Variants in WWOX observed in about 807,000 individuals in gnomAD.
WWOX encodes WW domain containing oxidoreductase.
In WWOX, 69 loss-of-function variants were observed where a neutral mutation model predicts 46.2. The ratio of observed to expected loss-of-function variants is 1.49; its 90% CI spans 1.23 to 1.82. The LOEUF (loss-of-function observed/expected upper bound fraction) is 1.82. WWOX is among the 40% of genes most tolerant of loss of function. The probability of loss-of-function intolerance (pLI) is 0.00; values close to 1 mark genes in which losing one functional copy is unlikely to be tolerated. For missense variants in WWOX, 919 were observed against 542.6 expected (o/e 1.69, Z -6.89); for synonymous variants, 359 against 202.6 (o/e 1.77, Z -6.56).
At chr16:78,767,774 C>T (rs996483478) in intron 8 of WWOX, among the ~76,000 whole-genome samples, 2 of 152,082 alleles carry the variant, frequency 1.3e-5, no homozygotes, top group African/African-American at 4.8e-5. Context: ...GAAGTGTTAC[C>T]TCCCTGCAGT....
rs577794126 is a variant in WWOX at position 78,559,143 on chromosome 16, C to T, written c.1056+126391C>T. 2.0e-5 allele frequency among the ~76,000 whole-genome samples: 3 copies of T among 152,288 alleles called. No homozygotes were observed. The South Asian group carries it at 6.2e-4, about 32-fold the overall frequency. On this transcript the variant is annotated intron_variant, in intron 8 of 8. Coordinates refer to ENST00000566780, the MANE Select transcript of WWOX (RefSeq NM_016373.4). Reference sequence around the variant, plus strand: ...AGCTTGGAGATAGAGCTGACCTTCCCAGGTGCTTCAGCAGTTACAGCAAGA... The same window carrying T: ...AGCTTGGAGATAGAGCTGACCTTCCTAGGTGCTTCAGCAGTTACAGCAAGA...
intron 8 of WWOX, among the ~76,000 whole-genome samples, chr16:78,531,113 G>A (rs184330080): frequency 6.6e-6 from 1 of 152,142 alleles, no homozygotes; most frequent in South Asian, 2.1e-4. Flanking sequence ...CATTTCATGA[G>A]TCTTGGCATC....
intron 8 of WWOX, among the ~76,000 whole-genome samples, chr16:78,998,995 G>C (rs1262947118): frequency 6.6e-6 from 1 of 152,180 alleles, no homozygotes; most frequent in Non-Finnish European, 1.5e-5. Flanking sequence ...ATGTAACAGC[G>C]GAATATTCCA....
Position 78,589,972 on chromosome 16 carries a change from T to A in WWOX, c.1056+157220T>A, listed in dbSNP as rs554795445. On this transcript the variant is annotated intron_variant, in intron 8 of 8. Transcript: ENST00000566780. ...TGATTAGTGACAGGTTATCTTCTAG[T>A]TTACCTGAAGGCTATGGTCACTCAA... Among the ~76,000 whole-genome samples the A allele has an allele frequency of 4.6e-5, 7 of 152,288 alleles. No homozygotes were observed. In the East Asian group the frequency reaches 1.4e-3, roughly 29 times the overall value.
At chr16:78,892,762 A>G (rs2044618878) in intron 8 of WWOX, among the ~76,000 whole-genome samples, 1 of 152,046 alleles carries the variant, frequency 6.6e-6, no homozygotes, top group Non-Finnish European at 1.5e-5. Context: ...CAACTTTCTA[A>G]CCTCTGTTGT....
At chr16:79,050,527 C>G (rs139341711) in intron 8 of WWOX, among the ~76,000 whole-genome samples, 4 of 152,272 alleles carry the variant, frequency 2.6e-5, no homozygotes, top group Non-Finnish European at 5.9e-5. Flanking sequence ...TGGCTGAGCT[C>G]ACGGTTAGAG....
intron 8 of WWOX, among the ~76,000 whole-genome samples, chr16:78,796,597 G>T (rs541515295): frequency 3.7e-4 from 57 of 152,346 alleles, no homozygotes; most frequent in African/African-American, 1.3e-3. Flanking sequence ...AAATTGCATG[G>T]TCTTGTACAA....
intron 8 of WWOX, among the ~76,000 whole-genome samples, chr16:79,068,042 T>G (rs1461527272): frequency 3.3e-5 from 5 of 151,962 alleles, no homozygotes; most frequent in Non-Finnish European, 5.9e-5. Flanking sequence ...TTGGCCATGG[T>G]CAGTCTTTGG....
intron 8 of WWOX, among the ~76,000 whole-genome samples, chr16:78,495,572 G>C (rs986915728): frequency 4.7e-5 from 7 of 149,262 alleles, no homozygotes; most frequent in African/African-American, 1.7e-4. Flanking sequence ...GCAGTGGTGT[G>C]ATCTCAGCTC....
At chr16:78,125,289 G>T (rs1025650675) in intron 4 of WWOX, among the ~76,000 whole-genome samples, 2 of 152,118 alleles carry the variant, frequency 1.3e-5, no homozygotes, top group Admixed American at 1.3e-4. Context: ...GGTCTTGGGC[G>T]GCGGGTGCCT....
chr16:78,997,906 C>T (rs1052398189), intron 8 of WWOX, among the ~76,000 whole-genome samples: 4 of 151,942 alleles, frequency 2.6e-5, no homozygotes, highest in African/African-American at 9.7e-5. Context: ...GACAGAGTTT[C>T]ACCCTTATTG....
chr16:79,013,680 C>G (rs1236643304), intron 8 of WWOX, among the ~76,000 whole-genome samples: 5 of 152,206 alleles, frequency 3.3e-5, no homozygotes, highest in South Asian at 2.1e-4. Flanking sequence ...ATACACTAAT[C>G]TACCCAAGTT....
At chr16:78,210,218 AG>A (rs2036515338) in intron 5 of WWOX, among the ~76,000 whole-genome samples, 1 of 152,198 alleles carries the variant, frequency 6.6e-6, no homozygotes. Context: ...CCTCATTTTG[AG>A]CCAGGCTGTG....
intron 8 of WWOX, among the ~76,000 whole-genome samples, chr16:79,197,350 C>T (rs1231233799): frequency 2.6e-5 from 4 of 152,138 alleles, no homozygotes; most frequent in Admixed American, 6.5e-5. Flanking sequence ...TAGCAGCTTC[C>T]AAGAGCTGAG....
intron 8 of WWOX, among the ~76,000 whole-genome samples, chr16:78,779,738 A>G (rs577736161): frequency 6.6e-6 from 1 of 152,276 alleles, no homozygotes; most frequent in African/African-American, 2.4e-5. Flanking sequence ...CCAGGATGTG[A>G]GAGACATTCT....
At chr16:78,765,803 T>C (rs997551909) in intron 8 of WWOX, among the ~76,000 whole-genome samples, 3 of 152,276 alleles carry the variant, frequency 2.0e-5, no homozygotes, top group South Asian at 2.1e-4. Context: ...GTCAGAGAAC[T>C]CATCGCACTA....
At chr16:78,658,513 A>G (rs1184911318) in intron 8 of WWOX, among the ~76,000 whole-genome samples, 1 of 152,154 alleles carries the variant, frequency 6.6e-6, no homozygotes, top group Admixed American at 6.5e-5. Context: ...GACACCTGAC[A>G]TCGAGGTGTT....
At chr16:78,704,689 C>T (rs1318078352) in intron 8 of WWOX, among the ~76,000 whole-genome samples, 1 of 152,106 alleles carries the variant, frequency 6.6e-6, no homozygotes, top group East Asian at 1.9e-4. Context: ...CATGTTAAAA[C>T]TGTGTAATAG....
At chr16:78,277,178 G>A (rs547838045) in intron 5 of WWOX, among the ~76,000 whole-genome samples, 30 of 152,258 alleles carry the variant, frequency 2.0e-4, no homozygotes, top group African/African-American at 7.2e-4. Flanking sequence ...ATCGTTTGAA[G>A]TAGCAATTTG....
Sources: allele counts gnomAD v4.1 joint callset (sites outside exome capture counted in the v4.1 genomes callset), GRCh38; gene constraint gnomAD v4.1.1; transcripts MANE v1.5; gene names NCBI Gene and HGNC (gene_info 2026-07-23, HGNC 2026-07-21).